The following CTNND2 variants were observed in gnomAD, a reference collection of about 807,000 sequenced individuals.
The protein encoded by CTNND2 is catenin delta 2.
CTNND2 carries 22 observed loss-of-function variants against 144.4 expected under a neutral mutation model. The observed-to-expected ratio is 0.15, with a 90% CI of 0.11 to 0.22. The LOEUF is 0.22. CTNND2 is among the 10% of genes least tolerant of loss of function. CTNND2 has a pLI of 1.00. For missense variants in CTNND2, 1,353 were observed against 1,618.8 expected (o/e 0.84, Z 2.82); for synonymous variants, 751 against 695.6 (o/e 1.08, Z -1.25).
At chr5:11,338,391 A>T (rs1415468670) in intron 9 of CTNND2, among the ~76,000 whole-genome samples, 1 of 149,648 alleles carries the variant, frequency 6.7e-6, no homozygotes, top group Non-Finnish European at 1.5e-5. Flanking sequence ...TCTTGGGCCA[A>T]GTATGAGATC....
intron 13 of CTNND2, among the ~76,000 whole-genome samples, chr5:11,113,327 G>A (rs763692027): frequency 6.6e-6 from 1 of 152,140 alleles, no homozygotes; most frequent in Admixed American, 6.5e-5. Flanking sequence ...CCAGGGGTCC[G>A]ATCCAGCCCA....
intron 2 of CTNND2, among the ~76,000 whole-genome samples, chr5:11,659,089 T>C (rs1053454563): frequency 6.6e-6 from 1 of 152,042 alleles, no homozygotes; most frequent in Non-Finnish European, 1.5e-5. Context: ...CGGTTCCTCA[T>C]CCACAGATTC....
At chr5:11,177,312 A>ATT (rs1367107368) in intron 11 of CTNND2, among the ~76,000 whole-genome samples, 3 of 152,292 alleles carry the variant, frequency 2.0e-5, no homozygotes, top group South Asian at 2.1e-4. Flanking sequence ...TAGATAGGAA[A>ATT]ATTGATATTC....
intron 8 of CTNND2, among the ~76,000 whole-genome samples, chr5:11,363,251 C>T (rs926387428): frequency 6.6e-6 from 1 of 151,356 alleles, no homozygotes; most frequent in Admixed American, 6.6e-5. Context: ...GTTTTTTTTT[C>T]TTATGTAGCT....
intron 3 of CTNND2, among the ~76,000 whole-genome samples, chr5:11,547,056 G>A (rs973748143): frequency 6.6e-6 from 1 of 152,090 alleles, no homozygotes. Context: ...ATCACCTGAG[G>A]TCAGGGGTTC....
chr5:11,247,370 AG>A (rs1743110464), intron 9 of CTNND2, among the ~76,000 whole-genome samples: 1 of 152,166 alleles, frequency 6.6e-6, no homozygotes, highest in African/African-American at 2.4e-5. Context: ...CCCTATGCAA[AG>A]CCTACTCCAC....
chr5:11,065,902 G>A (rs546511622), intron 16 of CTNND2, among the ~76,000 whole-genome samples: 29 of 152,128 alleles, frequency 1.9e-4, no homozygotes, highest in African/African-American at 6.3e-4. Context: ...TCTTTTTATC[G>A]CAGGCCCTCC....
At chr5:11,773,121 C>T (rs569943188) in intron 1 of CTNND2, among the ~76,000 whole-genome samples, 18 of 152,310 alleles carry the variant, frequency 1.2e-4, no homozygotes, top group Admixed American at 9.8e-4. Context: ...GCCCAATAAA[C>T]ACCAAAACTT....
At chr5:11,425,839 G>A (rs950851937) in intron 3 of CTNND2, among the ~76,000 whole-genome samples, 43 of 152,022 alleles carry the variant, frequency 2.8e-4, no homozygotes, top group African/African-American at 1.0e-3. Context: ...ACCAAATGTT[G>A]GTTGGGCTCT....
chr5:11,100,536 G>C (rs1751782357), intron 14 of CTNND2, among the ~76,000 whole-genome samples: 1 of 152,222 alleles, frequency 6.6e-6, no homozygotes, highest in South Asian at 2.1e-4. Flanking sequence ...GAAAAAGACA[G>C]TAGTCATTCT....
rs530900876 is a variant in CTNND2 at position 11,237,856 on chromosome 5, T to G, written c.1629-1033A>C. On this transcript the variant is annotated intron_variant, in intron 9 of 21. Coordinates refer to ENST00000304623, the MANE Select transcript of CTNND2 (RefSeq NM_001332.4). ...TTACTGTTGTTATTTTCACAATCTC[T>G]TCTTTAAAAATAGACAGGGGCCTAC... 7.2e-5 allele frequency among the ~76,000 whole-genome samples: 11 copies of G among 152,360 alleles called. No individual in the cohort carries two copies. In the South Asian group the frequency reaches 2.1e-3, roughly 29 times the overall value.
At chr5:11,094,452 T>C (rs184612022) in intron 15 of CTNND2, among the ~76,000 whole-genome samples, 39 of 151,900 alleles carry the variant, frequency 2.6e-4, no homozygotes, top group African/African-American at 8.4e-4. Context: ...CTTATGATGG[T>C]CTATGTGTCT....
intron 1 of CTNND2, among the ~76,000 whole-genome samples, chr5:11,786,075 C>T (rs980861398): frequency 6.6e-6 from 1 of 152,136 alleles, no homozygotes. Context: ...TTCGACCAGA[C>T]CCCCATTCTG....
intron 1 of CTNND2, among the ~76,000 whole-genome samples, chr5:11,901,218 A>G (rs1257485043): frequency 1.3e-5 from 2 of 152,222 alleles, no homozygotes; most frequent in Non-Finnish European, 2.9e-5. Context: ...CGACAAGTCC[A>G]CACAAATTCA....
chr5:11,816,535 C>T (rs559885636), intron 1 of CTNND2, among the ~76,000 whole-genome samples: 3 of 147,368 alleles, frequency 2.0e-5, no homozygotes, highest in African/African-American at 7.6e-5. Context: ...GTTAGCATAA[C>T]GGTTTTTCCT....
At chr5:11,758,537 G>C (rs533509583) in intron 1 of CTNND2, among the ~76,000 whole-genome samples, 1 of 152,026 alleles carries the variant, frequency 6.6e-6, no homozygotes, top group Admixed American at 6.6e-5. Context: ...CCATCATATA[G>C]TACCTTTTTA....
chr5:11,251,384 C>T (rs771868832), intron 9 of CTNND2, among the ~76,000 whole-genome samples: 4 of 152,192 alleles, frequency 2.6e-5, no homozygotes, highest in Non-Finnish European at 4.4e-5. Context: ...TCTTCACATC[C>T]TCTCCTATGC....
At chr5:11,151,524 T>C (rs1439405213) in intron 12 of CTNND2, among the ~76,000 whole-genome samples, 4 of 152,248 alleles carry the variant, frequency 2.6e-5, no homozygotes, top group African/African-American at 9.6e-5. Context: ...AATTTGTTCA[T>C]ATTAATGGAA....
At position 11,889,176 on chromosome 5, in the gene CTNND2, T is replaced by G. The variant is rs532234778; in HGVS notation, c.37+14641A>C. On this transcript the variant is annotated intron_variant, in intron 1 of 21. Transcript: ENST00000304623. ...CAAAAGCTGGAGTAACTAGACAGCATGCAGAATGTCAACCATGCAGCTGAA... is the reference window on the plus strand; with the variant it reads ...CAAAAGCTGGAGTAACTAGACAGCAGGCAGAATGTCAACCATGCAGCTGAA... Among the ~76,000 whole-genome samples, 4 of 152,294 alleles carry G rather than the reference T, an allele frequency of 2.6e-5. No homozygotes were observed. In the East Asian group the frequency reaches 5.8e-4, roughly 22 times the overall value.
Sources: gnomAD v4.1 joint callset for allele counts (sites outside exome capture counted in the v4.1 genomes callset) on GRCh38, gnomAD v4.1.1 for gene constraint, MANE v1.5 for transcripts, NCBI Gene and HGNC (gene_info 2026-07-23, HGNC 2026-07-21) for gene names.